The following CDKL5 variants were observed in gnomAD, a reference collection of about 807,000 sequenced individuals.
CDKL5 encodes the protein cyclin dependent kinase like 5.
CDKL5 carries 8 observed loss-of-function variants against 61.7 expected under a neutral mutation model. The observed-to-expected ratio is 0.13, with a 90% CI of 0.08 to 0.23. The LOEUF is 0.23. Ranked by LOEUF, CDKL5 falls within the 10% of genes least tolerant of loss-of-function variation. The pLI, the probability that CDKL5 is intolerant of heterozygous loss-of-function variation, is 1.00. For synonymous variants in CDKL5, 275 were observed against 272.3 expected (o/e 1.01, Z -0.10); for missense variants, 440 against 734.5 (o/e 0.60, Z 4.63).
At chrX:18,455,457 G>A (rs1932120125) in intron 1 of CDKL5, among the ~76,000 whole-genome samples, 1 of 112,668 alleles carries the variant, frequency 8.9e-6, no homozygotes, top group African/African-American at 3.2e-5. Flanking sequence ...TAAGGGAGCA[G>A]AAGTGTGAAG....
downstream of CDKL5, chrX:18,644,326 G>A (rs1927688403): frequency 1.4e-6 from 1 of 698,888 alleles, no homozygotes; most frequent in Non-Finnish European, 2.3e-6. Flanking sequence ...CCACTGTGCT[G>A]TGGAGTCGGT....
rs1011437835 is a variant in CDKL5 at position 18,629,911 on chromosome X, A to C, written c.*1154A>C. 1.3e-6 allele frequency: 1 copy of C among 752,180 alleles called. No homozygotes were observed. Among genetic ancestry groups the C allele is most frequent in the African/African-American group, 2.3e-5 (1 of 43,085 alleles). The allele number at this position is 752,180 out of a possible 1,213,427, so 62.0% of individuals were successfully genotyped here. A position where few individuals can be genotyped will look rare whatever the true frequency, so the allele number is the denominator to read the frequency against. On this transcript the variant is annotated 3_prime_UTR_variant, in exon 18 of 18. Transcript: ENST00000623535. The stretch of plus-strand genomic sequence containing the variant: ...GTAGACCAAAGATTTGCCAGTGAAC[A>C]TTCCTTGTTGTGAGATCATAAGAGG...
intron 1 of CDKL5, among the ~76,000 whole-genome samples, chrX:18,437,894 T>C (rs182101969): frequency 1.8e-5 from 2 of 112,159 alleles, no homozygotes; most frequent in African/African-American, 6.5e-5. Flanking sequence ...TTCATTCAAG[T>C]CTTTCTTGGT....
rs184881396 is a variant in CDKL5 at position 18,451,774 on chromosome X, A to G, written c.-163+26079A>G. ...GGCTGGTCTCAAACTCCTGATCTCA[A>G]AATGATCCACTTGCCTCGGCCTCCC... On this transcript the variant is annotated intron_variant, in intron 1 of 17. Coordinates refer to ENST00000623535, the MANE Select transcript of CDKL5 (RefSeq NM_001323289.2). 5.4e-5 allele frequency among the ~76,000 whole-genome samples: 6 copies of G among 110,631 alleles called. No individual in the cohort carries two copies. In the East Asian group the frequency reaches 1.7e-3, roughly 32 times the overall value.
chrX:18,635,701 A>C lies in CDKL5; in HGVS notation c.*6944A>C, dbSNP rs747413092. On this transcript the variant is annotated 3_prime_UTR_variant, in exon 18 of 18. Coordinates refer to ENST00000623535, the MANE Select transcript of CDKL5 (RefSeq NM_001323289.2). ...CACCTTTGCACGTCGCTAGACACTC[A>C]CGTGGTAGTTTGAGGAGGATGGGAA... The C allele has an allele frequency of 5.7e-5, 35 of 612,348 alleles. No homozygotes were observed. Among genetic ancestry groups the C allele is most frequent in the Admixed American group, 1.8e-4 (2 of 11,209 alleles). 50.5% of individuals were successfully genotyped at this position (612,348 alleles called of 1,213,427 possible).
intron 10 of CDKL5, among the ~76,000 whole-genome samples, chrX:18,597,149 G>A (rs752453687): frequency 1.1e-4 from 12 of 109,507 alleles, no homozygotes; most frequent in Non-Finnish European, 2.1e-4. Flanking sequence ...AACCAGTTCC[G>A]ACTTCTGTCA....
chrX:18,438,159 G>A (rs1028539458), intron 1 of CDKL5, among the ~76,000 whole-genome samples: 2 of 110,929 alleles, frequency 1.8e-5, no homozygotes, highest in Non-Finnish European at 3.8e-5. Context: ...TCCGCCTCCC[G>A]AGTTCAAGCG....
At chrX:18,552,250 AAAAG>A (rs761711341) in intron 3 of CDKL5, among the ~76,000 whole-genome samples, 285 of 110,162 alleles carry the variant, frequency 2.6e-3, no homozygotes, top group South Asian at 5.0e-3. Context: ...AAAAAAAAAA[AAAAG>A]AAAGAAAGAA....
chrX:18,533,301 A>G (rs991285355), intron 3 of CDKL5, among the ~76,000 whole-genome samples: 5 of 111,426 alleles, frequency 4.5e-5, no homozygotes, highest in Non-Finnish European at 9.4e-5. Flanking sequence ...ATTATAAAGA[A>G]GTAAGGGCCG....
intron 1 of CDKL5, among the ~76,000 whole-genome samples, chrX:18,477,835 T>C (rs952859011): frequency 3.6e-5 from 4 of 112,478 alleles, no homozygotes. Context: ...TTAAAGAAGC[T>C]GGGAGAATAA....
chrX:18,508,547 G>A (rs990526641), intron 2 of CDKL5, among the ~76,000 whole-genome samples: 2 of 111,211 alleles, frequency 1.8e-5, no homozygotes, highest in Non-Finnish European at 3.8e-5. Flanking sequence ...ACTGGAGAAG[G>A]CTAGCACATA....
chrX:18,604,044 G>A lies in CDKL5; in HGVS notation c.1120G>A (p.Ala374Thr). The A allele has an allele frequency of 8.3e-7, 1 of 1,211,398 alleles. No homozygotes were observed. The highest frequency in any genetic ancestry group is 1.1e-6 in the Non-Finnish European group (1 of 895,415). Residue 374 changes from alanine (A) to threonine (T), a missense_variant, in exon 12 of 18, where the codon GCT becomes ACT. Ala to Thr is a moderately conservative substitution (Grantham distance 58). Coordinates refer to ENST00000623535, the MANE Select transcript of CDKL5 (RefSeq NM_001323289.2). ...CTTCCTAAATGGAAACCTTGCTGGA[G>A]CTAGTCTTAGTCCACTGCACACCAA... ...ESFLNGNLAG[A>T]SLSPLHTKTY...
Position 18,546,258 on chromosome X carries a change from CT to C in CDKL5, c.100-18199del, listed in dbSNP as rs935420091. 4.6e-3 allele frequency among the ~76,000 whole-genome samples: 413 copies of C among 90,482 alleles called. 3 individuals are homozygous for C. Among genetic ancestry groups the C allele is most frequent in the African/African-American group, 0.011 (283 of 24,763 alleles). The allele number at this position is 90,482 out of a possible 115,157, so 78.6% of individuals were successfully genotyped here. Reference sequence around the variant, plus strand: ...TTAAGTTACATATCTTCTACTTCTTCTTTTTTTTTTTTTTTTTTTTGAGACA... The same window carrying C: ...TTAAGTTACATATCTTCTACTTCTTCTTTTTTTTTTTTTTTTTTTGAGACA... On this transcript the variant is annotated intron_variant, in intron 3 of 17. Transcript: ENST00000623535.
chrX:18,601,249 G>A (rs191951264), intron 11 of CDKL5, among the ~76,000 whole-genome samples: 2 of 111,986 alleles, frequency 1.8e-5, no homozygotes, highest in Admixed American at 9.4e-5. Flanking sequence ...TGCCCACCAT[G>A]GACACGGTGC....
In CDKL5 at chrX:18,598,535, A is replaced by G; in HGVS notation, c.899A>G (p.Gln300Arg). 8.3e-7 allele frequency: 1 copy of G among 1,208,974 alleles called. No individual in the cohort carries two copies. Among genetic ancestry groups the G allele is most frequent in the Non-Finnish European group, 1.1e-6 (1 of 892,767 alleles). ...QCLNHPTFQT[Q>R]RLLDRSPSRS... Reference sequence around the variant, plus strand: ...TTGAATCACCCTACATTTCAAACCCAGAGACTTCTGGATCGTTCTCCTTCA... The same window carrying G: ...TTGAATCACCCTACATTTCAAACCCGGAGACTTCTGGATCGTTCTCCTTCA... The change falls in exon 11 of 18, where the codon CAG becomes CGG. Residue 300 changes from glutamine (Q) to arginine (R), a missense_variant. Physicochemically the swap from Gln to Arg is conservative, Grantham distance 43. Around this residue, in one of 2 missense-constraint regions of CDKL5, gnomAD observed 363 missense variants for 516.3 expected, o/e 0.70. Transcript: ENST00000623535.
intron 3 of CDKL5, among the ~76,000 whole-genome samples, chrX:18,541,378 T>A (rs749346599): frequency 6.2e-5 from 7 of 112,373 alleles, no homozygotes; most frequent in Non-Finnish European, 1.1e-4. Flanking sequence ...CTGTTTCTTT[T>A]CTGTTGTTAA....
intron 21 of CDKL5, chrX:18,650,672 G>C: frequency 1.3e-5 from 14 of 1,059,360 alleles, no homozygotes; most frequent in Non-Finnish European, 1.8e-5. Flanking sequence ...AAATGCAGAT[G>C]TTCAGGCCAC....
At chrX:18,519,514 C>T (rs745543194) in intron 3 of CDKL5, among the ~76,000 whole-genome samples, 4 of 111,476 alleles carry the variant, frequency 3.6e-5, no homozygotes, top group African/African-American at 9.8e-5. Context: ...ATTACTTTTC[C>T]GTTGATCTGG....
At chrX:18,427,347 T>G (rs1931389622) in intron 1 of CDKL5, among the ~76,000 whole-genome samples, 3 of 96,988 alleles carry the variant, frequency 3.1e-5, no homozygotes, top group African/African-American at 7.6e-5. Context: ...GTGAGGGTGG[T>G]TGAGGGGGGA....
Sources: gnomAD v4.1 joint callset for allele counts (sites outside exome capture counted in the v4.1 genomes callset) on GRCh38, gnomAD v4.1.1 for gene constraint, gnomAD v4.1.1 regional missense constraint, MANE v1.5 for transcripts, NCBI Gene and HGNC (gene_info 2026-07-23, HGNC 2026-07-21) for gene names.